The following TTC27 variants were observed in gnomAD, a reference collection of about 807,000 sequenced individuals.
The protein encoded by TTC27 is tetratricopeptide repeat domain 27, also known as tetratricopeptide repeat protein 27.
TTC27 carries 79 observed loss-of-function variants against 115.9 expected under a neutral mutation model. That is an observed-to-expected ratio of 0.68 (90% CI 0.57 to 0.82). TTC27 has a LOEUF of 0.82. Among genes scored for constraint, TTC27 ranks in the 40% least tolerant of loss-of-function variants. The pLI is 0.00. For missense variants in TTC27, 1,054 were observed against 993.1 expected, an observed-to-expected ratio of 1.06 and a Z score of -0.82; for synonymous variants, 401 against 356.0, an observed-to-expected ratio of 1.13 and a Z score of -1.42.
chr2:32,809,472 T>G (rs1252402835), intron 16 of TTC27, among the ~76,000 whole-genome samples: 3 of 152,200 alleles, frequency 2.0e-5, no homozygotes, highest in Non-Finnish European at 4.4e-5. Context: ...AACATCAGCA[T>G]CACCTGGGAG....
At chr2:32,767,015 G>A (rs139974296) in intron 13 of TTC27, among the ~76,000 whole-genome samples, 204 of 152,150 alleles carry the variant, frequency 1.3e-3, no homozygotes, top group African/African-American at 4.7e-3. Flanking sequence ...TGAACTCCTG[G>A]CCTCAAGCGA....
intron 5 of TTC27, among the ~76,000 whole-genome samples, chr2:32,654,553 C>T (rs1665246286): frequency 6.6e-6 from 1 of 151,994 alleles, no homozygotes; most frequent in Non-Finnish European, 1.5e-5. Flanking sequence ...TTTTTTGAGG[C>T]AGGGTCTTGC....
rs534893270 is a variant in TTC27 at position 32,668,223 on chromosome 2, A to G, written c.939+1455A>G. On this transcript the variant is annotated intron_variant, in intron 7 of 19. Transcript: ENST00000317907. ...AGAAAATAAACAAAAAAACAAAATT[A>G]GCCAGTTGTGGTGGTGTGTGCCTGT... Among the ~76,000 whole-genome samples, 16 of 151,444 alleles carry G rather than the reference A, an allele frequency of 1.1e-4. No individual in the cohort carries two copies. The South Asian group carries it at 3.3e-3, about 32-fold the overall frequency.
At chr2:32,801,388 C>T (rs913328871) in intron 16 of TTC27, among the ~76,000 whole-genome samples, 1 of 152,144 alleles carries the variant, frequency 6.6e-6, no homozygotes, top group Non-Finnish European at 1.5e-5. Flanking sequence ...TGGCTCCTGG[C>T]GTTCCTCGGC....
intron 10 of TTC27, among the ~76,000 whole-genome samples, chr2:32,727,855 A>G (rs1327780794): frequency 1.3e-5 from 2 of 151,880 alleles, no homozygotes; most frequent in Non-Finnish European, 2.9e-5. Context: ...TCCTGTTTTT[A>G]TTTCTAATAT....
chr2:32,634,702 G>C (rs896011205), intron 3 of TTC27, among the ~76,000 whole-genome samples: 2 of 151,772 alleles, frequency 1.3e-5, no homozygotes, highest in African/African-American at 4.8e-5. Flanking sequence ...TGTCACCCAG[G>C]CTGGAGTACA....
intron 14 of TTC27, chr2:32,780,236 G>T: frequency 3.2e-6 from 1 of 307,854 alleles, no homozygotes; most frequent in Non-Finnish European, 7.0e-6. Flanking sequence ...GAATCTGCAG[G>T]TGAATAAGGG....
At chr2:32,661,819 T>G (rs1303593346) in intron 5 of TTC27, among the ~76,000 whole-genome samples, 1 of 152,210 alleles carries the variant, frequency 6.6e-6, no homozygotes, top group African/African-American at 2.4e-5. Context: ...ATAGGAATGG[T>G]GAGGGAGGGC....
intron 18 of TTC27, among the ~76,000 whole-genome samples, chr2:32,816,303 C>T (rs894270981): frequency 6.7e-6 from 1 of 150,174 alleles, no homozygotes; most frequent in South Asian, 2.1e-4. Flanking sequence ...GGTGACAGAG[C>T]GAGACCTTGT....
At chr2:32,731,486 C>T (rs2151914434) in intron 10 of TTC27, among the ~76,000 whole-genome samples, 1 of 152,310 alleles carries the variant, frequency 6.6e-6, no homozygotes, top group South Asian at 2.1e-4. Flanking sequence ...AGTGATCCTC[C>T]TGCTTCAGCC....
chr2:32,790,670 G>A (rs1670504813), intron 16 of TTC27, among the ~76,000 whole-genome samples: 1 of 152,062 alleles, frequency 6.6e-6, no homozygotes, highest in Non-Finnish European at 1.5e-5. Context: ...TTAATCCTCT[G>A]TCTGAAACTT....
intron 13 of TTC27, among the ~76,000 whole-genome samples, chr2:32,775,645 A>G (rs1421825063): frequency 6.6e-6 from 1 of 152,324 alleles, no homozygotes; most frequent in East Asian, 1.9e-4. Context: ...CCTTATTCCA[A>G]GTAAACTTGG....
chr2:32,638,876 AG>A (rs1664527012), intron 3 of TTC27, among the ~76,000 whole-genome samples: 1 of 151,782 alleles, frequency 6.6e-6, no homozygotes, highest in African/African-American at 2.4e-5. Flanking sequence ...TCTGTCACCC[AG>A]GCTGGAGTGC....
intron 4 of TTC27, among the ~76,000 whole-genome samples, chr2:32,645,765 G>C (rs1664829504): frequency 6.6e-6 from 1 of 151,730 alleles, no homozygotes; most frequent in African/African-American, 2.4e-5. Flanking sequence ...CGCCCAGGCT[G>C]GAGTGCAGTG....
At chr2:32,731,971 T>G (rs758003017) in intron 10 of TTC27, among the ~76,000 whole-genome samples, 93 of 152,072 alleles carry the variant, frequency 6.1e-4, no homozygotes, top group Non-Finnish European at 1.0e-3. Context: ...AATTAATTTT[T>G]TGCATGTTAT....
intron 9 of TTC27, among the ~76,000 whole-genome samples, chr2:32,702,384 C>T (rs1667215648): frequency 6.6e-6 from 1 of 151,786 alleles, no homozygotes. Flanking sequence ...TACATTTTGT[C>T]CCTGTTTTCA....
At chr2:32,746,810 C>T (rs1307211300) in intron 12 of TTC27, among the ~76,000 whole-genome samples, 2 of 151,948 alleles carry the variant, frequency 1.3e-5, no homozygotes, top group South Asian at 4.2e-4. Context: ...ACAGAGAAAA[C>T]AGAACATTTT....
At chr2:32,777,227 C>A (rs1327140136) in intron 13 of TTC27, among the ~76,000 whole-genome samples, 1 of 152,160 alleles carries the variant, frequency 6.6e-6, no homozygotes, top group Non-Finnish European at 1.5e-5. Context: ...ACAGAAATTT[C>A]TTTTTTTGAG....
intron 9 of TTC27, among the ~76,000 whole-genome samples, chr2:32,688,884 G>A (rs1445631756): frequency 2.0e-5 from 3 of 152,018 alleles, no homozygotes; most frequent in Admixed American, 2.0e-4. Context: ...AGAAATGAAA[G>A]TATATGTCCT....
Sources: gnomAD v4.1 joint callset for allele counts (sites outside exome capture counted in the v4.1 genomes callset) on GRCh38, gnomAD v4.1.1 for gene constraint, MANE v1.5 for transcripts, NCBI Gene and HGNC (gene_info 2026-07-23, HGNC 2026-07-21) for gene names.